PRH1: variants seen among roughly 807,000 people sequenced by gnomAD.
PRH1 encodes salivary acidic proline-rich phosphoprotein 1/2.
A neutral mutation model predicts 7.9 loss-of-function variants in PRH1; 7 were observed. That is an observed-to-expected ratio of 0.89 (90% CI 0.50 to 1.67). PRH1 has a LOEUF of 1.67. Among genes scored for constraint, PRH1 ranks in the 40% most tolerant of loss-of-function variants. PRH1 has a pLI of 0.00. For missense variants in PRH1, 109 were observed against 223.6 expected (o/e 0.49, Z 3.27); for synonymous variants, 45 against 80.8 (o/e 0.56, Z 2.38).
intron 2 of PRH1, among the ~76,000 whole-genome samples, chr12:10,919,248 C>A (rs540557044): frequency 3.2e-4 from 49 of 152,244 alleles, no homozygotes; most frequent in African/African-American, 1.1e-3. Flanking sequence ...ATCTATCTCA[C>A]ACAATATATT....
At chr12:11,048,191 T>TAGAC (rs1555147083), upstream of PRH1, 4 of 120,302 alleles carry the variant, frequency 3.3e-5, no homozygotes, top group Non-Finnish European at 5.9e-5. Context: ...GATAGATAGA[T>TAGAC]AGATGACTTT....
chr12:11,059,261 C>A (rs1943490109), intron 1 of PRH1, among the ~76,000 whole-genome samples: 1 of 151,626 alleles, frequency 6.6e-6, no homozygotes. Context: ...TGATGACCGT[C>A]ATGCTGTCTC....
At chr12:11,014,965 A>G (rs1410924839) in intron 1 of PRH1, among the ~76,000 whole-genome samples, 2 of 152,152 alleles carry the variant, frequency 1.3e-5, no homozygotes, top group Non-Finnish European at 2.9e-5. Flanking sequence ...ATAATTGCTC[A>G]CAGGCACCAG....
chr12:11,163,780 T>C (rs560766889), intron 1 of PRH1, among the ~76,000 whole-genome samples: 3 of 152,258 alleles, frequency 2.0e-5, no homozygotes, highest in East Asian at 1.9e-4. Flanking sequence ...CTAGATACAA[T>C]GTGTGTATCA....
chr12:10,934,375 G>A (rs1950256612), intron 2 of PRH1, among the ~76,000 whole-genome samples: 1 of 152,064 alleles, frequency 6.6e-6, no homozygotes, highest in African/African-American at 2.4e-5. Context: ...AAGCTGTGAG[G>A]ATTCGAAGAT....
chr12:11,037,897 C>T (rs1415699320), intron 1 of PRH1, among the ~76,000 whole-genome samples: 1 of 151,174 alleles, frequency 6.6e-6, no homozygotes, highest in Non-Finnish European at 1.5e-5. Context: ...AAAAAATCAG[C>T]AGGGTGTGGT....
chr12:10,889,554 TTGCTG>T, intron 2 of PRH1, among the ~76,000 whole-genome samples: 1 of 152,322 alleles, frequency 6.6e-6, no homozygotes, highest in South Asian at 2.1e-4. Context: ...TTTATGCTCT[TTGCTG>T]TGTTTGGAAA....
chr12:10,967,182 T>C (rs1258353890), intron 2 of PRH1, among the ~76,000 whole-genome samples: 1 of 151,956 alleles, frequency 6.6e-6, no homozygotes, highest in African/African-American at 2.4e-5. Context: ...GGTAGCGTCT[T>C]CTCTTATTTC....
intron 2 of PRH1, among the ~76,000 whole-genome samples, chr12:10,953,891 A>G (rs1317738166): frequency 6.6e-6 from 1 of 152,228 alleles, no homozygotes; most frequent in Non-Finnish European, 1.5e-5. Flanking sequence ...CAAAGGGAAC[A>G]GCATTGAGCT....
intron 1 of PRH1, chr12:10,997,941 C>A: frequency 9.9e-7 from 1 of 1,011,400 alleles, no homozygotes; most frequent in Non-Finnish European, 1.4e-6. Flanking sequence ...CTCTGATATT[C>A]AAGACTTTAA....
chr12:10,900,510 T>C (rs1216732742), intron 2 of PRH1, among the ~76,000 whole-genome samples: 3 of 152,054 alleles, frequency 2.0e-5, no homozygotes, highest in Admixed American at 1.3e-4. Context: ...ATGGCCAGAA[T>C]TGTGGGGAAA....
chr12:10,934,379 C>T (rs556347684), intron 2 of PRH1, among the ~76,000 whole-genome samples: 5 of 152,184 alleles, frequency 3.3e-5, no homozygotes, highest in Admixed American at 2.0e-4. Flanking sequence ...TGTGAGGATT[C>T]GAAGATCTCT....
chr12:10,928,078 T>C (rs186707412), intron 2 of PRH1, among the ~76,000 whole-genome samples: 45 of 152,192 alleles, frequency 3.0e-4, no homozygotes, highest in African/African-American at 1.0e-3. Flanking sequence ...CCACAAGTCA[T>C]GTGGGGAGAA....
chr12:10,983,178 C>T (rs1464892401), intron 1 of PRH1, among the ~76,000 whole-genome samples: 1 of 152,196 alleles, frequency 6.6e-6, no homozygotes, highest in Non-Finnish European at 1.5e-5. Context: ...GAGCAAACTC[C>T]TAGCGAATTA....
At position 11,078,245 on chromosome 12, in the gene PRH1, T is replaced by G; in HGVS notation, n.124-31057A>C. Reference sequence around the variant, plus strand: ...ATGATGAGCAGAAAATATACCATGTTTGAACAGACAAAAAGAAAAAAATTG... The same window carrying G: ...ATGATGAGCAGAAAATATACCATGTGTGAACAGACAAAAAGAAAAAAATTG... On this transcript the variant is annotated intron_variant and non_coding_transcript_variant, in intron 1 of 4. Transcript: ENST00000541977. 6.7e-6 allele frequency: 2 copies of G among 299,130 alleles called. 1 individual carries two copies. The highest frequency in any genetic ancestry group is 1.4e-5 in the Non-Finnish European group (2 of 148,030). The allele number at this position is 299,130 out of a possible 1,614,324, so 18.5% of individuals were successfully genotyped here.
intron 2 of PRH1, among the ~76,000 whole-genome samples, chr12:10,923,086 C>A (rs1475847070): frequency 6.6e-6 from 1 of 150,794 alleles, no homozygotes; most frequent in Non-Finnish European, 1.5e-5. Flanking sequence ...CCTCGGCCTC[C>A]CAAAGTGCTG....
intron 1 of PRH1, among the ~76,000 whole-genome samples, chr12:11,014,994 T>A (rs1941226159): frequency 6.6e-6 from 1 of 151,976 alleles, no homozygotes; most frequent in African/African-American, 2.4e-5. Context: ...AATTTCACAA[T>A]AAGTAAAGAT....
chr12:10,925,899 T>C (rs1950116436), intron 2 of PRH1, among the ~76,000 whole-genome samples: 1 of 152,178 alleles, frequency 6.6e-6, no homozygotes. Flanking sequence ...TGTACCTAAG[T>C]CATGTCATCT....
chr12:11,058,072 C>CA (rs1416767922), intron 1 of PRH1, among the ~76,000 whole-genome samples: 3 of 152,086 alleles, frequency 2.0e-5, no homozygotes, highest in Non-Finnish European at 4.4e-5. Flanking sequence ...CCCAGCCCTA[C>CA]AAAAAATACC....
Sources: allele counts gnomAD v4.1 joint callset (sites outside exome capture counted in the v4.1 genomes callset), GRCh38; gene constraint gnomAD v4.1.1; transcripts MANE v1.5; gene names NCBI Gene and HGNC (gene_info 2026-07-23, HGNC 2026-07-21).